RIF1: variants seen among roughly 807,000 people sequenced by gnomAD.
The protein encoded by RIF1 is replication timing regulatory factor 1.
Under a neutral mutation model 247.1 loss-of-function variants are expected in RIF1, and 45 were observed. The observed-to-expected ratio is 0.18, with a 90% CI of 0.14 to 0.23. RIF1 has a LOEUF of 0.23. RIF1 is among the 10% of genes least tolerant of loss of function. The probability of loss-of-function intolerance (pLI) is 1.00; values close to 1 mark genes in which losing one functional copy is unlikely to be tolerated. For missense variants in RIF1, 2,967 were observed against 2,862.5 expected (o/e 1.04, Z -0.83); for synonymous variants, 1,087 against 978.8 (o/e 1.11, Z -2.06).
chr2:151,468,184 C>T (rs528251320), intron 31 of RIF1, 38 bp downstream of exon 31: 22 of 1,497,648 alleles, frequency 1.5e-5, no homozygotes, highest in East Asian at 6.8e-5. Flanking sequence ...ATATGTATAC[C>T]GACACAGAAT....
At chr2:151,423,083 C>T in intron 8 of RIF1, 41 bp downstream of exon 8, 2 of 1,034,550 alleles carry the variant, frequency 1.9e-6, no homozygotes, top group Non-Finnish European at 3.0e-6. Flanking sequence ...TTTTTACATG[C>T]TGGACTCTTT....
intron 20 of RIF1, among the ~76,000 whole-genome samples, chr2:151,451,199 A>G (rs778868195): frequency 6.6e-6 from 1 of 152,202 alleles, no homozygotes; most frequent in Non-Finnish European, 1.5e-5. Flanking sequence ...GAACGTTATA[A>G]TACGGTATTT....
At chr2:151,418,795 C>T (rs1687651740) in intron 6 of RIF1, among the ~76,000 whole-genome samples, 1 of 151,790 alleles carries the variant, frequency 6.6e-6, no homozygotes, top group South Asian at 2.1e-4. Context: ...GAATCACTTG[C>T]ACCCGGGAGG....
downstream of RIF1, among the ~76,000 whole-genome samples, chr2:151,511,877 A>G (rs1001843961): frequency 1.6e-4 from 24 of 152,296 alleles, no homozygotes; most frequent in Admixed American, 5.2e-4. Flanking sequence ...AGATCTGCGC[A>G]CACATTTTTA....
At chr2:151,515,282 CTT>C in the RIF1 span, among the ~76,000 whole-genome samples, 3 of 152,138 alleles carry the variant, frequency 2.0e-5, no homozygotes, top group Admixed American at 6.5e-5. Context: ...TGACAAAAGA[CTT>C]TATTTCAGAA....
In RIF1 at chr2:151,461,303, T is replaced by G. The variant is rs1292169422; in HGVS notation, c.3227+14T>G. 1.9e-6 allele frequency: 3 copies of G among 1,608,834 alleles called. No homozygotes were observed. The South Asian group carries it at 3.4e-5, about 18-fold the overall frequency. On this transcript the variant is annotated intron_variant, in intron 27 of 35. Transcript: ENST00000444746. Reference sequence around the variant, plus strand: ...CAAAACAAAGCGGTTTGTAGGCCTTTTATCTTGAGTTGGGTATTTGGTATT... The same window carrying G: ...CAAAACAAAGCGGTTTGTAGGCCTTGTATCTTGAGTTGGGTATTTGGTATT...
At chr2:151,512,333 TTCTC>T (rs1341601986), downstream of RIF1, among the ~76,000 whole-genome samples, 1 of 149,650 alleles carries the variant, frequency 6.7e-6, no homozygotes, top group East Asian at 2.0e-4. Context: ...CATGCCGGGC[TTCTC>T]TCTTTTTTTT....
In RIF1 at chr2:151,445,329, T is replaced by A; in HGVS notation, c.1987-9T>A. On this transcript the variant is annotated splice_polypyrimidine_tract_variant and intron_variant, in intron 18 of 35. Coordinates refer to ENST00000444746, the MANE Select transcript of RIF1 (RefSeq NM_018151.5). ...AATTTGTCTAACTTCATTATTTTTC[T>A]TGTTTTAGACCAATGAAGTAAATCA... 1.3e-5 allele frequency: 19 copies of A among 1,452,444 alleles called. No individual in the cohort carries two copies. Among genetic ancestry groups the A allele is most frequent in the Non-Finnish European group, 1.8e-5 (19 of 1,032,870 alleles). 90.0% of individuals were successfully genotyped at this position (1,452,444 alleles called of 1,614,324 possible).
At chr2:151,441,816 G>T in intron 15 of RIF1, 89 bp from the exon 16 acceptor site, 1 of 569,724 alleles carries the variant, frequency 1.8e-6, no homozygotes. Flanking sequence ...AACATTACTT[G>T]TAATTGTTAG....
intron 33 of RIF1, among the ~76,000 whole-genome samples, chr2:151,469,372 A>G (rs1051727559): frequency 1.3e-5 from 2 of 152,176 alleles, no homozygotes; most frequent in African/African-American, 4.8e-5. Flanking sequence ...TCTCTGAGGA[A>G]TTTAATGATG....
At chr2:151,517,839 C>A in the RIF1 span, among the ~76,000 whole-genome samples, 1 of 152,180 alleles carries the variant, frequency 6.6e-6, no homozygotes, top group Admixed American at 6.5e-5. Flanking sequence ...TCTTATGGGA[C>A]CACTGTCATA....
chr2:151,531,059 A>AGCCTCTGGGTTTG, the RIF1 span: 1 of 1,613,644 alleles, frequency 6.2e-7, no homozygotes, highest in Non-Finnish European at 8.5e-7. Flanking sequence ...ATTGTGGTGT[A>AGCCTCTGGGTTTG]GCCTCTGGGT....
chr2:151,417,712 G>A (rs1240223396), intron 6 of RIF1, among the ~76,000 whole-genome samples: 1 of 152,144 alleles, frequency 6.6e-6, no homozygotes, highest in East Asian at 1.9e-4. Flanking sequence ...TATATGGGAG[G>A]ATGTGCGTAG....
chr2:151,518,550 CAGG>C, the RIF1 span: 1 of 676,146 alleles, frequency 1.5e-6, no homozygotes, highest in East Asian at 2.5e-5. Flanking sequence ...AAACACTAAA[CAGG>C]AGGTTAAGAA....
chr2:151,435,895 T>G (rs564312397), intron 11 of RIF1, among the ~76,000 whole-genome samples: 2 of 152,168 alleles, frequency 1.3e-5, no homozygotes, highest in African/African-American at 4.8e-5. Flanking sequence ...AACATGAAGC[T>G]GTTGATTTTA....
At chr2:151,528,831 A>C in the RIF1 span, among the ~76,000 whole-genome samples, 1 of 152,236 alleles carries the variant, frequency 6.6e-6, no homozygotes, top group South Asian at 2.1e-4. Context: ...TGTTTTCTTC[A>C]TCAGAAGAAG....
At chr2:151,420,010 A>G (rs1437095388) in intron 6 of RIF1, among the ~76,000 whole-genome samples, 180 bp from the exon 7 acceptor site, 2 of 152,228 alleles carry the variant, frequency 1.3e-5, no homozygotes, top group Non-Finnish European at 2.9e-5. Flanking sequence ...AAAAATTTAC[A>G]AAAGCAATAA....
chr2:151,482,231 A>T (rs2049200110), downstream of RIF1: 1 of 152,150 alleles, frequency 6.6e-6, no homozygotes, highest in African/African-American at 2.4e-5. Flanking sequence ...TTTTCGTGAG[A>T]TCTGAAATGA....
chr2:151,514,909 T>C, the RIF1 span: 7 of 1,570,674 alleles, frequency 4.5e-6, no homozygotes, highest in Non-Finnish European at 4.3e-6. Flanking sequence ...GGACTCTTCA[T>C]AATCTTTCCT....
Sources: gnomAD v4.1 joint callset for allele counts (sites outside exome capture counted in the v4.1 genomes callset) on GRCh38, gnomAD v4.1.1 for gene constraint, MANE v1.5 for transcripts, NCBI Gene and HGNC (gene_info 2026-07-23, HGNC 2026-07-21) for gene names.